The following ADGRL2 variants were observed in gnomAD, a reference collection of about 807,000 sequenced individuals.
ADGRL2 encodes calcium-independent alpha-latrotoxin receptor 2.
In ADGRL2, 44 loss-of-function variants were observed where a neutral mutation model predicts 157.4. The ratio of observed to expected loss-of-function variants is 0.28; its 90% CI spans 0.22 to 0.36. The LOEUF is 0.36. ADGRL2 is among the 10% of genes least tolerant of loss of function. ADGRL2 has a pLI of 1.00. For synonymous variants in ADGRL2, 585 were observed against 624.7 expected, an observed-to-expected ratio of 0.94 and a Z score of 0.95; for missense variants, 1,510 against 1,768.9, an observed-to-expected ratio of 0.85 and a Z score of 2.63.
At chr1:81,778,596 C>T (rs1025415663) in intron 2 of ADGRL2, among the ~76,000 whole-genome samples, 6 of 152,192 alleles carry the variant, frequency 3.9e-5, no homozygotes, top group East Asian at 1.9e-4. Flanking sequence ...TATTCCGCAC[C>T]GCTCACTGCC....
intron 1 of ADGRL2, among the ~76,000 whole-genome samples, chr1:81,306,751 C>A (rs140860562): frequency 4.3e-4 from 66 of 152,266 alleles, no homozygotes; most frequent in African/African-American, 1.4e-3. Context: ...AGTATCCACT[C>A]TCTAATGTAG....
chr1:81,932,108 A>G lies in ADGRL2; in HGVS notation c.288-4620A>G, dbSNP rs2095241955. On this transcript the variant is annotated intron_variant, in intron 3 of 23. Transcript: ENST00000686636. The stretch of plus-strand genomic sequence containing the variant: ...ATTGAATATAGGAAAATTGGCAGTG[A>G]TTACAATGGGTCATATTTTTCTGTT... Among the ~76,000 whole-genome samples the G allele has an allele frequency of 2.6e-5, 4 of 152,188 alleles. No homozygotes were observed. In the South Asian group the frequency reaches 6.2e-4, roughly 24 times the overall value.
intron 2 of ADGRL2, among the ~76,000 whole-genome samples, chr1:81,856,691 G>A (rs1479343537): frequency 1.3e-5 from 2 of 152,058 alleles, no homozygotes; most frequent in Non-Finnish European, 2.9e-5. Flanking sequence ...AAATGGATTT[G>A]ATGGCTAATT....
chr1:81,306,753 C>G (rs1250246163), intron 1 of ADGRL2, among the ~76,000 whole-genome samples: 1 of 152,144 alleles, frequency 6.6e-6, no homozygotes, highest in East Asian at 1.9e-4. Context: ...TATCCACTCT[C>G]TAATGTAGAA....
At chr1:81,896,303 G>C (rs983258701) in intron 2 of ADGRL2, among the ~76,000 whole-genome samples, 1 of 143,670 alleles carries the variant, frequency 7.0e-6, no homozygotes, top group Admixed American at 6.9e-5. Context: ...GTTTTAACTA[G>C]TTATAAAAAA....
At chr1:81,830,413 A>G (rs1385269663) in intron 1 of ADGRL2, among the ~76,000 whole-genome samples, 1 of 152,354 alleles carries the variant, frequency 6.6e-6, no homozygotes, top group South Asian at 2.1e-4. Context: ...AATGAATTGT[A>G]TCATTTAATT....
At chr1:81,354,631 A>T (rs1048472761) in intron 1 of ADGRL2, among the ~76,000 whole-genome samples, 2 of 152,104 alleles carry the variant, frequency 1.3e-5, no homozygotes, top group Non-Finnish European at 2.9e-5. Flanking sequence ...AACCCCATCC[A>T]AAGACAGGCC....
At chr1:81,894,264 T>G (rs74732701) in intron 2 of ADGRL2, among the ~76,000 whole-genome samples, 4 of 148,582 alleles carry the variant, frequency 2.7e-5, no homozygotes, top group Non-Finnish European at 4.4e-5. Context: ...TTTGGTGGTG[T>G]TTTTTTTAAA....
At chr1:81,633,032 C>G (rs1193725834) in intron 3 of ADGRL2, among the ~76,000 whole-genome samples, 1 of 152,288 alleles carries the variant, frequency 6.6e-6, no homozygotes, top group African/African-American at 2.4e-5. Context: ...TTAGGATATA[C>G]TACAGAGGAG....
chr1:81,377,199 A>G (rs1270789253), intron 1 of ADGRL2, among the ~76,000 whole-genome samples: 2 of 143,952 alleles, frequency 1.4e-5, no homozygotes, highest in Non-Finnish European at 3.0e-5. Flanking sequence ...ACAAACAACC[A>G]AACTAAAGCA....
chr1:81,851,047 A>G (rs2092988406), intron 2 of ADGRL2, among the ~76,000 whole-genome samples: 1 of 151,914 alleles, frequency 6.6e-6, no homozygotes, highest in East Asian at 1.9e-4. Flanking sequence ...CCAAAAACCA[A>G]TATGGTTAGT....
At chr1:81,474,323 CT>C in intron 2 of ADGRL2, among the ~76,000 whole-genome samples, 1 of 152,262 alleles carries the variant, frequency 6.6e-6, no homozygotes, top group South Asian at 2.1e-4. Flanking sequence ...TGTTGTATAT[CT>C]TTTGTGTTGT....
At chr1:81,438,182 G>A (rs1464600778) in intron 1 of ADGRL2, among the ~76,000 whole-genome samples, 2 of 152,056 alleles carry the variant, frequency 1.3e-5, no homozygotes, top group African/African-American at 4.8e-5. Context: ...TAATAAAAAT[G>A]TACCCACCAA....
At chr1:81,474,833 A>G (rs1197332106) in intron 2 of ADGRL2, among the ~76,000 whole-genome samples, 1 of 152,092 alleles carries the variant, frequency 6.6e-6, no homozygotes. Flanking sequence ...ATTACTGGTC[A>G]TTTTGTTTGA....
chr1:81,985,350 A>C lies in ADGRL2; in HGVS notation c.3503A>C (p.Asn1168Thr). 1.3e-6 allele frequency: 2 copies of C among 1,585,762 alleles called. No homozygotes were observed. The highest frequency in any genetic ancestry group is 2.3e-5 in the South Asian group (2 of 88,424). The change falls in exon 21 of 24, where the codon AAT becomes ACT. Residue 1168 changes from asparagine to threonine, a missense_variant. Transcript: ENST00000686636. ...SGDINSTSTL[N>T]QGMTGNYLLT... is the part of the protein sequence containing the mutation. ...GACATCAATAGCACTTCAACACTTA[A>C]TCAAGGTCAGTTATCAGGAAAATTT...
intron 3 of ADGRL2, among the ~76,000 whole-genome samples, chr1:81,581,726 C>A (rs1026786387): frequency 3.3e-5 from 5 of 152,072 alleles, no homozygotes; most frequent in African/African-American, 1.2e-4. Context: ...AAAGCATTTC[C>A]TTCTGGTTAG....
chr1:81,966,358 A>G (rs890853131), intron 12 of ADGRL2, 46 bp from the exon 13 acceptor site: 2 of 1,567,640 alleles, frequency 1.3e-6, no homozygotes, highest in Admixed American at 3.4e-5. Flanking sequence ...TAGTTTATTA[A>G]CAAGCATGTT....
At chr1:81,350,646 G>A (rs910920045) in intron 1 of ADGRL2, among the ~76,000 whole-genome samples, 1 of 152,166 alleles carries the variant, frequency 6.6e-6, no homozygotes, top group East Asian at 1.9e-4. Context: ...GTCTACCAAC[G>A]TAATGTCTTT....
rs1292115637 is a variant in ADGRL2, at chr1:81,966,097, A to G, written c.2057A>G (p.Gln686Arg). 1.9e-6 allele frequency: 3 copies of G among 1,613,974 alleles called. No homozygotes were observed. The African/African-American group carries it at 4.0e-5, about 22-fold the overall frequency. The change falls in exon 12 of 24, where the codon CAA (glutamine) becomes CGA (arginine). Residue 686 changes from glutamine to arginine, a missense_variant. Physicochemically the swap from Gln to Arg is conservative, Grantham distance 43. This residue lies in a region of ADGRL2 where 325 missense variants were observed against 333.2 expected (regional missense o/e 0.98). Transcript: ENST00000686636. ...GTACTCAGTACAGAAGGACAGATCC[A>G]AGACTTTAAATTTCCTCTGGGCATC... The part of the protein sequence containing the change: ...VAVLSTEGQI[Q>R]DFKFPLGIKG...
Sources: allele counts gnomAD v4.1 joint callset (sites outside exome capture counted in the v4.1 genomes callset), GRCh38; gene constraint gnomAD v4.1.1; regional missense constraint gnomAD v4.1.1; transcripts MANE v1.5; gene names NCBI Gene and HGNC (gene_info 2026-07-23, HGNC 2026-07-21).